The following TLN2 variants were observed in gnomAD, a reference collection of about 807,000 sequenced individuals.
TLN2 encodes the protein talin-2.
In TLN2, 118 loss-of-function variants were observed where a neutral mutation model predicts 294.7. The observed-to-expected ratio is 0.40, with a 90% CI of 0.34 to 0.47. TLN2 has a LOEUF of 0.47. Ranked by LOEUF, TLN2 falls within the 20% of genes least tolerant of loss-of-function variation. The pLI is 0.84. For synonymous variants in TLN2, 1,431 were observed against 1,304.5 expected (o/e 1.10, Z -2.09); for missense variants, 3,083 against 3,282.2 (o/e 0.94, Z 1.48).
At chr15:62,480,490 G>T (rs2038023336) in intron 1 of TLN2, among the ~76,000 whole-genome samples, 1 of 152,188 alleles carries the variant, frequency 6.6e-6, no homozygotes, top group Admixed American at 6.5e-5. Flanking sequence ...CTCCCAAAGT[G>T]CTGGGATTAC....
At chr15:62,816,397 G>A (rs1567668594) in intron 52 of TLN2, among the ~76,000 whole-genome samples, 1 of 152,216 alleles carries the variant, frequency 6.6e-6, no homozygotes, top group Admixed American at 6.5e-5. Context: ...AATTATCCTT[G>A]CTTCCACTGG....
intron 43 of TLN2, among the ~76,000 whole-genome samples, chr15:62,777,530 CAA>C (rs5813171): frequency 2.2e-5 from 3 of 135,492 alleles, no homozygotes; most frequent in African/African-American, 2.8e-5. Context: ...GCGAAACTCT[CAA>C]AAAAAAAAAA....
chr15:62,446,150 G>C (rs1000834474), intron 1 of TLN2, among the ~76,000 whole-genome samples: 4 of 151,930 alleles, frequency 2.6e-5, no homozygotes, highest in Non-Finnish European at 4.4e-5. Flanking sequence ...GAGACTACAG[G>C]CGCCCGCCAC....
chr15:62,730,460 C>T (rs1336473018), intron 28 of TLN2, among the ~76,000 whole-genome samples: 2 of 152,198 alleles, frequency 1.3e-5, no homozygotes, highest in Non-Finnish European at 2.9e-5. Context: ...TTCGTTCCTT[C>T]TGCGTCTCCA....
chr15:62,766,542 A>G lies in TLN2; in HGVS notation c.5196+120A>G, dbSNP rs568218813. The G allele has an allele frequency of 1.4e-3, 1,257 of 875,980 alleles. 4 individuals are homozygous for G. Among genetic ancestry groups the G allele is most frequent in the Non-Finnish European group, 1.9e-3 (1,108 of 578,220 alleles). The allele number at this position is 875,980 out of a possible 1,614,324, so 54.3% of individuals were successfully genotyped here. A position where few individuals can be genotyped will look rare whatever the true frequency, so the allele number is the denominator to read the frequency against. On this transcript the variant is annotated intron_variant, in intron 41 of 58. Coordinates refer to ENST00000636159, the MANE Select transcript of TLN2 (RefSeq NM_015059.3). ...GGTGCAAGTATTGTGCCTGAGTCCAATGCTCGTTTAAGCTGCAGAAAATAA... is the reference window on the plus strand; with the variant it reads ...GGTGCAAGTATTGTGCCTGAGTCCAGTGCTCGTTTAAGCTGCAGAAAATAA...
At chr15:62,469,810 AG>A (rs993494009) in intron 1 of TLN2, among the ~76,000 whole-genome samples, 3 of 152,202 alleles carry the variant, frequency 2.0e-5, no homozygotes, top group Non-Finnish European at 4.4e-5. Context: ...AAAAAGCAAA[AG>A]CCAAATTAAG....
intron 28 of TLN2, among the ~76,000 whole-genome samples, chr15:62,729,969 T>G (rs954641693): frequency 1.3e-5 from 2 of 152,096 alleles, no homozygotes; most frequent in Non-Finnish European, 1.5e-5. Flanking sequence ...TCCTGCATAA[T>G]GCAAGAATCT....
At chr15:62,554,985 A>T (rs538320445) in intron 1 of TLN2, among the ~76,000 whole-genome samples, 1 of 87,928 alleles carries the variant, frequency 1.1e-5, no homozygotes, top group African/African-American at 6.2e-5. Flanking sequence ...TATAAATTCT[A>T]TTTAGAAAGA....
At chr15:62,668,290 A>G (rs2054967910) in intron 9 of TLN2, among the ~76,000 whole-genome samples, 2 of 152,188 alleles carry the variant, frequency 1.3e-5, no homozygotes, top group African/African-American at 2.4e-5. Flanking sequence ...GACTGTAGAA[A>G]TTCCTTCACT....
At chr15:62,540,860 A>G (rs995049397) in intron 1 of TLN2, among the ~76,000 whole-genome samples, 8 of 152,162 alleles carry the variant, frequency 5.3e-5, no homozygotes, top group African/African-American at 1.9e-4. Flanking sequence ...AACAGAGCCA[A>G]GATATGCTCA....
At chr15:62,751,155 A>C (rs77979579) in intron 34 of TLN2, among the ~76,000 whole-genome samples, 2,361 of 152,240 alleles carry the variant, frequency 0.016, 60 homozygotes, top group African/African-American at 0.055. Flanking sequence ...AAAAAAAAAA[A>C]CTGTTGAGAA....
At chr15:62,456,821 C>T (rs887231089) in intron 1 of TLN2, among the ~76,000 whole-genome samples, 2 of 152,156 alleles carry the variant, frequency 1.3e-5, no homozygotes, top group African/African-American at 4.8e-5. Context: ...TGTCTCACTG[C>T]ACAGGTTCTC....
intron 2 of TLN2, among the ~76,000 whole-genome samples, chr15:62,596,193 A>G (rs1485672213): frequency 2.1e-5 from 3 of 142,248 alleles, no homozygotes; most frequent in African/African-American, 7.8e-5. Flanking sequence ...TGAACCCAGG[A>G]GGCGGAGCTT....
chr15:62,535,984 C>T (rs183706236), intron 1 of TLN2, among the ~76,000 whole-genome samples: 4 of 152,358 alleles, frequency 2.6e-5, no homozygotes, highest in African/African-American at 9.6e-5. Flanking sequence ...ATCCAGTTTT[C>T]ACAAATGTAC....
In TLN2 at chr15:62,700,985, C is replaced by A; in HGVS notation, c.1588-121C>A. ...GTTTAGGATAACTTAAGGGCCCTGT[C>A]GGTGCTGGCCTCATAAGAAGAATGT... On this transcript the variant is annotated intron_variant, in intron 16 of 58. Coordinates refer to ENST00000636159, the MANE Select transcript of TLN2 (RefSeq NM_015059.3). The A allele has an allele frequency of 5.1e-6, 4 of 780,610 alleles. No homozygotes were observed. The South Asian group carries it at 6.8e-5, about 13-fold the overall frequency. 48.4% of individuals were successfully genotyped at this position (780,610 alleles called of 1,614,324 possible).
At chr15:62,813,266 T>TA (rs1334243600) in intron 52 of TLN2, among the ~76,000 whole-genome samples, 2 of 152,240 alleles carry the variant, frequency 1.3e-5, no homozygotes, top group African/African-American at 4.8e-5. Flanking sequence ...GCATGGTTGA[T>TA]ATATCTGTTA....
At position 62,800,821 on chromosome 15, in the gene TLN2, C is replaced by A. The variant is rs777404325; in HGVS notation, c.6477+52C>A. The A allele has an allele frequency of 1.5e-5, 22 of 1,473,704 alleles. No individual in the cohort carries two copies. In the South Asian group the frequency reaches 2.1e-4, roughly 14 times the overall value. 91.3% of individuals were successfully genotyped at this position (1,473,704 alleles called of 1,614,324 possible). On this transcript the variant is annotated intron_variant, in intron 50 of 58. Coordinates refer to ENST00000636159, the MANE Select transcript of TLN2 (RefSeq NM_015059.3). ...GGGTACCAGAGTCCCACAGCTGACCCCAGTGAGGGCTCATTTGAGGTTTTT... is the reference window on the plus strand; with the variant it reads ...GGGTACCAGAGTCCCACAGCTGACCACAGTGAGGGCTCATTTGAGGTTTTT...
intron 1 of TLN2, among the ~76,000 whole-genome samples, chr15:62,414,166 ATATATAT>A (rs2033947423): frequency 2.5e-5 from 2 of 79,312 alleles, no homozygotes; most frequent in African/African-American, 7.5e-5. Flanking sequence ...AAAAAAAACT[ATATATAT>A]ATATATATAT....
rs990605626 is a variant in TLN2 at position 62,739,244 on chromosome 15, C to G, written c.3688-104C>G. 5 of 1,304,820 alleles carry G rather than the reference C, an allele frequency of 3.8e-6. No individual in the cohort carries two copies. In the African/African-American group the frequency reaches 7.4e-5, roughly 19 times the overall value. 80.8% of individuals were successfully genotyped at this position (1,304,820 alleles called of 1,614,324 possible). ...TCAGAGCCTTTTAATCGTGATGACT[C>G]AAATGCATCTCTGAAGAGTCTGTCT... On this transcript the variant is annotated intron_variant, in intron 30 of 58. Coordinates refer to ENST00000636159, the MANE Select transcript of TLN2 (RefSeq NM_015059.3).
Sources: allele counts gnomAD v4.1 joint callset (sites outside exome capture counted in the v4.1 genomes callset), GRCh38; gene constraint gnomAD v4.1.1; transcripts MANE v1.5; gene names NCBI Gene and HGNC (gene_info 2026-07-23, HGNC 2026-07-21).